Variants in ARID4B observed in about 807,000 individuals in gnomAD.
ARID4B encodes the protein AT-rich interaction domain 4B.
In ARID4B, 26 loss-of-function variants were observed where a neutral mutation model predicts 147.5. The observed-to-expected ratio is 0.18, with a 90% CI of 0.13 to 0.24. ARID4B has a LOEUF of 0.24. Among genes scored for constraint, ARID4B ranks in the 10% least tolerant of loss-of-function variants. The pLI, the probability that ARID4B is intolerant of heterozygous loss-of-function variation, is 1.00. For synonymous variants in ARID4B, 512 were observed against 507.9 expected, an observed-to-expected ratio of 1.01 and a Z score of -0.11; for missense variants, 1,179 against 1,511.5, an observed-to-expected ratio of 0.78 and a Z score of 3.65.
chr1:235,229,505 T>C, intron 10 of ARID4B, 120 bp from the exon 11 acceptor site: 1 of 710,658 alleles, frequency 1.4e-6, no homozygotes, highest in Non-Finnish European at 2.3e-6. Flanking sequence ...ATTTATTGTT[T>C]GCTATGTACC....
chr1:235,269,389 T>G (rs1162437224), intron 2 of ARID4B, among the ~76,000 whole-genome samples: 1 of 152,180 alleles, frequency 6.6e-6, no homozygotes, highest in Non-Finnish European at 1.5e-5. Context: ...TTTAGTGGTG[T>G]AATTGTGCAA....
chr1:235,168,773 C>CA, intron 23 of ARID4B, 121 bp from the exon 24 acceptor site: 1 of 1,019,184 alleles, frequency 9.8e-7, no homozygotes, highest in Non-Finnish European at 1.4e-6. Flanking sequence ...TAGCTTACAA[C>CA]AACAGTGGTC....
intron 23 of ARID4B, among the ~76,000 whole-genome samples, chr1:235,170,832 G>C (rs1407772868): frequency 6.8e-6 from 1 of 146,136 alleles, no homozygotes; most frequent in Non-Finnish European, 1.5e-5. Flanking sequence ...AGAATCGCTT[G>C]AACCGGAAGG....
chr1:235,238,024 A>G (rs1281027487), intron 8 of ARID4B, among the ~76,000 whole-genome samples: 1 of 151,582 alleles, frequency 6.6e-6, no homozygotes, highest in Admixed American at 6.6e-5. Flanking sequence ...GTGGCTTGTC[A>G]TACCAGCTAC....
intron 7 of ARID4B, among the ~76,000 whole-genome samples, chr1:235,243,787 T>A (rs1669134857): frequency 6.6e-6 from 1 of 152,166 alleles, no homozygotes; most frequent in Non-Finnish European, 1.5e-5. Flanking sequence ...TCTATTAGTA[T>A]CTGGAAGACT....
chr1:235,194,111 G>A lies in ARID4B; in HGVS notation c.2027C>T (p.Pro676Leu). The change falls in exon 19 of 24, where the codon CCT becomes CTT. Residue 676 changes from proline to leucine, a missense_variant. Physicochemically the swap from Pro to Leu is moderately conservative, Grantham distance 98. Around this residue, in one of 10 missense-constraint regions of ARID4B, gnomAD observed 321 missense variants for 342.4 expected, o/e 0.94. Transcript: ENST00000264183. ...GAGATCCAGTTTGGATACCATTTCA[G>A]GAGATGGATTTGTCTGAAATGGTGG... is the stretch of plus-strand genomic sequence containing the variant. ...SKPPFQTNPSPEMVSKLDLTD... is the reference protein window; with the variant it reads ...SKPPFQTNPSLEMVSKLDLTD... 6.2e-7 allele frequency: 1 copy of A among 1,612,944 alleles called. No individual in the cohort carries two copies. The highest frequency in any genetic ancestry group is 8.5e-7 in the Non-Finnish European group (1 of 1,178,946).
At chr1:235,307,787 CT>C (rs1297973263) in intron 2 of ARID4B, among the ~76,000 whole-genome samples, 1 of 152,170 alleles carries the variant, frequency 6.6e-6, no homozygotes, top group Non-Finnish European at 1.5e-5. Context: ...AATATTAACT[CT>C]TCAAAGCTTT....
At chr1:235,204,283 C>G (rs1666162170) in intron 17 of ARID4B, among the ~76,000 whole-genome samples, 1 of 152,168 alleles carries the variant, frequency 6.6e-6, no homozygotes, top group African/African-American at 2.4e-5. Context: ...GATCATGCCA[C>G]TGCACTCTAG....
chr1:235,274,778 A>G (rs1165181824), intron 2 of ARID4B, among the ~76,000 whole-genome samples: 1 of 152,216 alleles, frequency 6.6e-6, no homozygotes, highest in Non-Finnish European at 1.5e-5. Context: ...ACGATCTGCA[A>G]CCTATTAGTT....
intron 2 of ARID4B, among the ~76,000 whole-genome samples, chr1:235,298,382 T>G (rs1220579609): frequency 6.6e-6 from 1 of 151,936 alleles, no homozygotes; most frequent in Non-Finnish European, 1.5e-5. Context: ...TTAACACCAC[T>G]AATTTTCCAA....
intron 16 of ARID4B, among the ~76,000 whole-genome samples, chr1:235,214,927 C>T (rs573293096): frequency 3.1e-4 from 46 of 150,092 alleles, no homozygotes; most frequent in African/African-American, 1.0e-3. Context: ...CTGCAACCTC[C>T]GCCTCCCAGG....
intron 2 of ARID4B, among the ~76,000 whole-genome samples, chr1:235,277,618 G>A (rs193106515): frequency 2.9e-5 from 4 of 138,838 alleles, no homozygotes; most frequent in East Asian, 4.1e-4. Context: ...GTGTGTGTGT[G>A]TGTGTGTGTG....
chr1:235,292,006 GTTT>G (rs1297288441), intron 2 of ARID4B, among the ~76,000 whole-genome samples: 1 of 152,092 alleles, frequency 6.6e-6, no homozygotes, highest in East Asian at 1.9e-4. Context: ...GGATGAAAGG[GTTT>G]TTACTATATT....
At chr1:235,197,294 T>G (rs182844191) in intron 17 of ARID4B, among the ~76,000 whole-genome samples, 33 of 152,324 alleles carry the variant, frequency 2.2e-4, no homozygotes, top group Middle Eastern at 3.4e-3. Flanking sequence ...AACGAGCTTT[T>G]AAATTAAAAT....
intron 2 of ARID4B, among the ~76,000 whole-genome samples, chr1:235,320,160 C>T (rs1674725292): frequency 6.6e-6 from 1 of 151,662 alleles, no homozygotes; most frequent in Non-Finnish European, 1.5e-5. Flanking sequence ...AAAAAATTAG[C>T]CAGGCGTGGT....
chr1:235,249,969 T>C (rs1309056447), intron 6 of ARID4B, among the ~76,000 whole-genome samples: 1 of 138,030 alleles, frequency 7.2e-6, no homozygotes, highest in Non-Finnish European at 1.5e-5. Flanking sequence ...TAGCCAGGCG[T>C]GGGGGCAGGT....
chr1:235,226,635 C>T (rs1358990278), intron 11 of ARID4B, among the ~76,000 whole-genome samples: 1 of 152,140 alleles, frequency 6.6e-6, no homozygotes, highest in Non-Finnish European at 1.5e-5. Context: ...CATTCTCCTG[C>T]CTCAGCCTCC....
chr1:235,199,348 C>T (rs1007006263), intron 17 of ARID4B, among the ~76,000 whole-genome samples: 6 of 152,138 alleles, frequency 3.9e-5, no homozygotes, highest in African/African-American at 1.4e-4. Context: ...CTTGTTTTGA[C>T]ACTAAGTTTT....
chr1:235,316,763 G>C lies in ARID4B; in HGVS notation c.6+10151C>G, dbSNP rs1287235209. ...GAATCCGGGAGCCGAGTGTTGCAGTGAGCTGAGATCGCACCACTGCACTCC... is the reference window on the plus strand; with the variant it reads ...GAATCCGGGAGCCGAGTGTTGCAGTCAGCTGAGATCGCACCACTGCACTCC... On this transcript the variant is annotated intron_variant, in intron 2 of 23. Coordinates refer to ENST00000264183, the MANE Select transcript of ARID4B (RefSeq NM_016374.6). Among the ~76,000 whole-genome samples the C allele has an allele frequency of 2.1e-5, 3 of 145,382 alleles. No individual in the cohort carries two copies. In the East Asian group the frequency reaches 6.2e-4, roughly 30 times the overall value.
Sources: allele counts gnomAD v4.1 joint callset (sites outside exome capture counted in the v4.1 genomes callset), GRCh38; gene constraint gnomAD v4.1.1; regional missense constraint gnomAD v4.1.1; transcripts MANE v1.5; gene names NCBI Gene and HGNC (gene_info 2026-07-23, HGNC 2026-07-21).